Variants in ERAP1 observed in about 807,000 individuals in gnomAD.
ERAP1 encodes endoplasmic reticulum aminopeptidase 1.
A neutral mutation model predicts 103.7 loss-of-function variants in ERAP1; 86 were observed. The observed-to-expected ratio is 0.83, with a 90% CI of 0.70 to 0.99. The LOEUF (loss-of-function observed/expected upper bound fraction) is 0.99, where lower values mean the gene tolerates loss of function less well. Among genes scored for constraint, ERAP1 ranks in the 50% least tolerant of loss-of-function variants. ERAP1 has a pLI of 0.00. For missense variants in ERAP1, 1,009 were observed against 1,128.4 expected (o/e 0.89, Z 1.52); for synonymous variants, 398 against 402.4 (o/e 0.99, Z 0.13).
At chr5:96,812,650 A>G (rs960749276), upstream of ERAP1, among the ~76,000 whole-genome samples, 1 of 152,242 alleles carries the variant, frequency 6.6e-6, no homozygotes, top group African/African-American at 2.4e-5. Context: ...TAAACATGGG[A>G]AAAATAACTT....
Position 96,797,170 on chromosome 5 carries a change from C to G in ERAP1, c.798+5G>C. On this transcript the variant is annotated splice_donor_5th_base_variant and intron_variant, in intron 4 of 18. Transcript: ENST00000443439. ...GGTCACCATATGTGACAGTCATAGGCTCACCTTGACTCCACTCTTGGTTAT... is the reference window on the plus strand; with the variant it reads ...GGTCACCATATGTGACAGTCATAGGGTCACCTTGACTCCACTCTTGGTTAT... The G allele has an allele frequency of 6.2e-7, 1 of 1,614,086 alleles. No homozygotes were observed. The highest frequency in any genetic ancestry group is 1.1e-5 in the South Asian group (1 of 91,078).
In ERAP1 at chr5:96,788,531, C is replaced by G; in HGVS notation, c.1679G>C (p.Gly560Ala). The change falls in exon 11 of 19, where the codon GGG becomes GCG. Residue 560 changes from glycine to alanine, a missense_variant and splice_region_variant. By Grantham distance (60) the Gly-to-Ala change is moderately conservative. This residue lies in a region of ERAP1 where 611 missense variants were observed against 651.7 expected (regional missense o/e 0.94). Coordinates refer to ENST00000443439, the MANE Select transcript of ERAP1 (RefSeq NM_001040458.3). ...ACAAATTTTACTCTAGGAGCATTAC[C>G]CAGTGTCCGGGGCGCCGTCAGAGCC... Reference protein sequence around the residue: ...MKGSDGAPDTGYLWHVPLTFI... With the variant: ...MKGSDGAPDTAYLWHVPLTFI... 2 of 1,614,064 alleles carry G rather than the reference C, an allele frequency of 1.2e-6. No individual in the cohort carries two copies. Among genetic ancestry groups the G allele is most frequent in the South Asian group, 2.2e-5 (2 of 91,070 alleles).
chr5:96,904,333 C>T, the ERAP1 span, among the ~76,000 whole-genome samples: 1 of 152,270 alleles, frequency 6.6e-6, no homozygotes, highest in Middle Eastern at 3.4e-3. Flanking sequence ...TGCAAGCTTT[C>T]CCTATTCTGA....
chr5:96,847,996 C>A, the ERAP1 span, among the ~76,000 whole-genome samples: 2 of 121,724 alleles, frequency 1.6e-5, no homozygotes, highest in Admixed American at 8.2e-5. Flanking sequence ...GAAATAGAGA[C>A]TAGAAAAACA....
the ERAP1 span, among the ~76,000 whole-genome samples, chr5:96,877,731 AT>A: frequency 6.6e-6 from 1 of 151,860 alleles, no homozygotes; most frequent in African/African-American, 2.4e-5. Flanking sequence ...AAGCCACTCC[AT>A]TTTTTTTAAA....
chr5:96,933,809 G>C, the ERAP1 span, among the ~76,000 whole-genome samples: 2 of 152,200 alleles, frequency 1.3e-5, no homozygotes, highest in African/African-American at 4.8e-5. Flanking sequence ...AATGTGTGAA[G>C]TATGTTAACA....
chr5:96,884,162 CA>C, the ERAP1 span, among the ~76,000 whole-genome samples: 1 of 151,656 alleles, frequency 6.6e-6, no homozygotes, highest in African/African-American at 2.4e-5. Context: ...TTTTCCCAAG[CA>C]AAGTGATTTA....
the ERAP1 span, among the ~76,000 whole-genome samples, chr5:96,865,627 T>A: frequency 6.6e-6 from 1 of 152,192 alleles, no homozygotes; most frequent in South Asian, 2.1e-4. Context: ...GTTTTTAGTC[T>A]ACCAAAAAAT....
the ERAP1 span, among the ~76,000 whole-genome samples, chr5:96,890,110 A>G: frequency 6.9e-4 from 105 of 152,306 alleles, no homozygotes; most frequent in South Asian, 0.02. Context: ...TGATACTCAT[A>G]GTCTATCTTG....
the ERAP1 span, among the ~76,000 whole-genome samples, chr5:96,912,294 G>A: frequency 0.026 from 3,968 of 150,874 alleles, 175 homozygotes; most frequent in African/African-American, 0.092. Flanking sequence ...CACCAATAGT[G>A]GCCACTAAAT....
At chr5:96,820,284 A>T in the ERAP1 span, among the ~76,000 whole-genome samples, 1 of 152,018 alleles carries the variant, frequency 6.6e-6, no homozygotes, top group South Asian at 2.1e-4. Context: ...AACATAGCTT[A>T]AAAAAAGACA....
chr5:96,781,951 G>T, intron 15 of ERAP1, 97 bp from the exon 16 acceptor site: 1 of 1,142,860 alleles, frequency 8.7e-7, no homozygotes, highest in Non-Finnish European at 1.3e-6. Flanking sequence ...CTTTCCCCAT[G>T]ATCAGAGAAG....
At chr5:96,895,161 A>G in the ERAP1 span, 1 of 775,018 alleles carries the variant, frequency 1.3e-6, no homozygotes, top group African/African-American at 2.0e-5. Context: ...TAATAAAAAA[A>G]AAGTTAGTAA....
chr5:96,913,759 C>G, the ERAP1 span, among the ~76,000 whole-genome samples: 2 of 152,196 alleles, frequency 1.3e-5, no homozygotes, highest in African/African-American at 4.8e-5. Context: ...CCCTTCTTGG[C>G]TCTCTCCTCA....
chr5:96,770,759 T>G (rs753500592), downstream of ERAP1, among the ~76,000 whole-genome samples: 1 of 152,192 alleles, frequency 6.6e-6, no homozygotes, highest in African/African-American at 2.4e-5. Flanking sequence ...GTAATTGAAT[T>G]TGTATAAATA....
upstream of ERAP1, among the ~76,000 whole-genome samples, chr5:96,811,214 A>ACCAT (rs1286886475): frequency 6.6e-6 from 1 of 152,196 alleles, no homozygotes; most frequent in African/African-American, 2.4e-5. Flanking sequence ...CAAAAGCAAT[A>ACCAT]CCATCTTATT....
chr5:96,933,023 G>A, the ERAP1 span, among the ~76,000 whole-genome samples: 2 of 152,078 alleles, frequency 1.3e-5, no homozygotes, highest in African/African-American at 4.8e-5. Context: ...GGGTGTTAAA[G>A]ATAAAAACAT....
At chr5:96,792,949 A>G (rs1776901655) in intron 7 of ERAP1, among the ~76,000 whole-genome samples, 1 of 152,204 alleles carries the variant, frequency 6.6e-6, no homozygotes, top group Non-Finnish European at 1.5e-5. Context: ...AGCAGTTCCA[A>G]AGCAATAAAT....
chr5:96,888,823 T>C, the ERAP1 span, among the ~76,000 whole-genome samples: 1 of 152,206 alleles, frequency 6.6e-6, no homozygotes, highest in African/African-American at 2.4e-5. Context: ...ATTGTGTTTG[T>C]GGTCATCATT....
Sources: allele counts gnomAD v4.1 joint callset (sites outside exome capture counted in the v4.1 genomes callset), GRCh38; gene constraint gnomAD v4.1.1; regional missense constraint gnomAD v4.1.1; transcripts MANE v1.5; gene names NCBI Gene and HGNC (gene_info 2026-07-23, HGNC 2026-07-21).